JCAD: variants seen among roughly 807,000 people sequenced by gnomAD.
JCAD encodes junctional cadherin 5-associated protein.
JCAD carries 40 observed loss-of-function variants against 98.0 expected under a neutral mutation model. The observed-to-expected ratio is 0.41, with a 90% CI of 0.32 to 0.53. The LOEUF is 0.53. Among genes scored for constraint, JCAD ranks in the 20% least tolerant of loss-of-function variants. JCAD has a pLI of 0.31. For missense variants in JCAD, 1,705 were observed against 1,738.1 expected (o/e 0.98, Z 0.34); for synonymous variants, 691 against 682.3 (o/e 1.01, Z -0.20).
rs1433556211 is a variant in JCAD, at chr10:30,029,349, G to A, written c.799C>T (p.Pro267Ser). The A allele has an allele frequency of 1.2e-6, 2 of 1,613,988 alleles. No individual in the cohort carries two copies. The highest frequency in any genetic ancestry group is 4.5e-5 in the East Asian group (2 of 44,884). Reference protein sequence around the residue: ...KMPPYPPTCAPNLDSTRNSEK... With the variant: ...KMPPYPPTCASNLDSTRNSEK... ...GAATTCCTCGTGGAGTCCAAATTTG[G>A]TGCGCAAGTGGGAGGATACGGTGGC... is the stretch of plus-strand genomic sequence containing the variant. The change falls in exon 3 of 4, where the codon CCA (proline) becomes TCA (serine). Residue 267 changes from proline to serine, a missense_variant. Pro to Ser is a moderately conservative substitution (Grantham distance 74, BLOSUM62 -1). Transcript: ENST00000375377.
At chr10:30,053,559 C>A (rs1362428020) in intron 1 of JCAD, among the ~76,000 whole-genome samples, 588 of 126,722 alleles carry the variant, frequency 4.6e-3, no homozygotes, top group Middle Eastern at 7.7e-3. Context: ...TACTCTGTCT[C>A]AAAAAAAAAA....
At position 30,026,736 on chromosome 10, in the gene JCAD, G is replaced by A. The variant is rs1470259810; in HGVS notation, c.3412C>T (p.Pro1138Ser). 1 of 1,614,146 alleles carries A rather than the reference G, an allele frequency of 6.2e-7. No homozygotes were observed. Among genetic ancestry groups the A allele is most frequent in the Non-Finnish European group, 8.5e-7 (1 of 1,180,034 alleles). ...TAAAAGGCATCAGTGGACACCCTGG[G>A]GACATCTGCCGGTGCTGGGCGAGAT... ...LLSRPAPADV[P>S]RVSTDAFYGR... Residue 1138 changes from proline to serine, a missense_variant, in exon 3 of 4, where the codon CCC becomes TCC. Pro to Ser is a moderately conservative substitution (Grantham distance 74). Transcript: ENST00000375377.
At chr10:30,081,455 A>G (rs1838083227) in intron 1 of JCAD, among the ~76,000 whole-genome samples, 1 of 151,966 alleles carries the variant, frequency 6.6e-6, no homozygotes, top group African/African-American at 2.4e-5. Flanking sequence ...TATTTTTGAG[A>G]TAGTCTTGCT....
chr10:30,076,322 C>T (rs1837979690), intron 1 of JCAD, among the ~76,000 whole-genome samples: 2 of 152,138 alleles, frequency 1.3e-5, no homozygotes, highest in Non-Finnish European at 2.9e-5. Context: ...CCACCGTGCC[C>T]AGCCAACAGG....
upstream of JCAD, among the ~76,000 whole-genome samples, chr10:30,062,954 A>C (rs981635445): frequency 6.6e-6 from 1 of 152,176 alleles, no homozygotes; most frequent in Non-Finnish European, 1.5e-5. Context: ...GTAGGAAGAT[A>C]ATAAAGATAA....
intron 1 of JCAD, among the ~76,000 whole-genome samples, chr10:30,051,319 C>T (rs902661544): frequency 5.5e-5 from 8 of 145,578 alleles, no homozygotes; most frequent in African/African-American, 1.8e-4. Flanking sequence ...AGAGTTGATG[C>T]CTCACTTGGC....
intron 1 of JCAD, among the ~76,000 whole-genome samples, chr10:30,077,171 T>C (rs934630313): frequency 9.9e-5 from 15 of 152,174 alleles, no homozygotes; most frequent in South Asian, 2.1e-4. Context: ...CAAGGTAATA[T>C]ATTTACAAAT....
At chr10:30,071,563 G>A (rs1465899379) in intron 1 of JCAD, among the ~76,000 whole-genome samples, 2 of 152,154 alleles carry the variant, frequency 1.3e-5, no homozygotes, top group African/African-American at 2.4e-5. Context: ...CCAGCACTTT[G>A]GGAGGCCGAG....
intron 1 of JCAD, among the ~76,000 whole-genome samples, chr10:30,093,875 T>C (rs1007566436): frequency 1.3e-5 from 2 of 152,238 alleles, no homozygotes; most frequent in South Asian, 4.1e-4. Context: ...GCCAAACTTC[T>C]TGCTTGTATA....
At chr10:30,024,388 T>C (rs545799155) in intron 3 of JCAD, among the ~76,000 whole-genome samples, 1 of 152,170 alleles carries the variant, frequency 6.6e-6, no homozygotes, top group Non-Finnish European at 1.5e-5. Flanking sequence ...TAAAGTCTAG[T>C]GGGCATATTT....
At chr10:30,043,613 G>T (rs573266448) in intron 2 of JCAD, among the ~76,000 whole-genome samples, 97 of 152,358 alleles carry the variant, frequency 6.4e-4, no homozygotes, top group Middle Eastern at 3.4e-3. Flanking sequence ...ACACAGCTGG[G>T]CTCTGAGAGC....
At chr10:30,077,846 C>T (rs1479235610) in intron 1 of JCAD, among the ~76,000 whole-genome samples, 3 of 152,176 alleles carry the variant, frequency 2.0e-5, no homozygotes, top group African/African-American at 7.2e-5. Flanking sequence ...CACCTTTGGC[C>T]GTTGTGAATA....
Position 30,029,465 on chromosome 10 carries a change from T to A in JCAD, c.683A>T (p.Lys228Met). 1 of 1,614,184 alleles carries A rather than the reference T, an allele frequency of 6.2e-7. No individual in the cohort carries two copies. The highest frequency in any genetic ancestry group is 8.5e-7 in the Non-Finnish European group (1 of 1,180,028). ...EHVLNSQNKGKSRSLPRVLSP... is the reference protein window; with the variant it reads ...EHVLNSQNKGMSRSLPRVLSP... ...AAGAACTCTAGGCAGTGAGCGAGAC[T>A]TCCCTTTGTTTTGAGAATTCAACAC... The change falls in exon 3 of 4, where the codon AAG becomes ATG. Residue 228 changes from lysine (K) to methionine (M), a missense_variant. Lys to Met is a moderately conservative substitution (Grantham distance 95). Coordinates refer to ENST00000375377, the MANE Select transcript of JCAD (RefSeq NM_020848.4).
At chr10:30,070,455 T>A (rs1163642047) in intron 1 of JCAD, among the ~76,000 whole-genome samples, 1 of 152,208 alleles carries the variant, frequency 6.6e-6, no homozygotes, top group Non-Finnish European at 1.5e-5. Context: ...TGTAAAAGAA[T>A]GAATTGAGCA....
chr10:30,027,232 T>C lies in JCAD; in HGVS notation c.2916A>G (p.Pro972=). ...SNGMDELAGS[P]FPVTRMSSRS... Reference sequence around the variant, plus strand: ...TTGAAGACATTCTCGTCACAGGAAATGGGCTACCTGCCAGCTCGTCCATTC... The same window carrying C: ...TTGAAGACATTCTCGTCACAGGAAACGGGCTACCTGCCAGCTCGTCCATTC... The change falls in exon 3 of 4, where the codon CCA becomes CCG. Residue 972 remains proline, a synonymous_variant. Transcript: ENST00000375377. 1 of 1,614,192 alleles carries C rather than the reference T, an allele frequency of 6.2e-7. No homozygotes were observed. Among genetic ancestry groups the C allele is most frequent in the Non-Finnish European group, 8.5e-7 (1 of 1,180,030 alleles).
intron 2 of JCAD, among the ~76,000 whole-genome samples, chr10:30,036,601 C>T (rs566350389): frequency 5.3e-5 from 8 of 152,310 alleles, no homozygotes; most frequent in South Asian, 4.2e-4. Flanking sequence ...GGCCTGATAC[C>T]CAGGAGCACG....
chr10:30,021,410 G>T (rs193110432), intron 3 of JCAD, among the ~76,000 whole-genome samples: 39 of 152,184 alleles, frequency 2.6e-4, no homozygotes, highest in African/African-American at 9.2e-4. Context: ...ATGTTGCCCA[G>T]GCTGGTTTTG....
rs1836553328 is a variant in JCAD, at chr10:30,017,251, T to C, written c.*632A>G. 2 of 152,496 alleles carry C rather than the reference T, an allele frequency of 1.3e-5. No homozygotes were observed. Among genetic ancestry groups the C allele is most frequent in the Non-Finnish European group, 2.9e-5 (2 of 68,264 alleles). The allele number at this position is 152,496 out of a possible 1,614,324, so 9.4% of individuals were successfully genotyped here. A position where few individuals can be genotyped will look rare whatever the true frequency, so the allele number is the denominator to read the frequency against. On this transcript the variant is annotated 3_prime_UTR_variant, in exon 4 of 4. Transcript: ENST00000375377. ...TTCACTGCCAGATAAATAATACTCT[T>C]AGTATATTACAGTACAAGTTTTAAT...
intron 1 of JCAD, among the ~76,000 whole-genome samples, chr10:30,110,439 A>T (rs918488550): frequency 6.6e-6 from 1 of 151,740 alleles, no homozygotes; most frequent in Admixed American, 6.6e-5. Flanking sequence ...CTGTTGGTGT[A>T]TGGACCCCTG....
Sources: allele counts gnomAD v4.1 joint callset (sites outside exome capture counted in the v4.1 genomes callset), GRCh38; gene constraint gnomAD v4.1.1; transcripts MANE v1.5; gene names NCBI Gene and HGNC (gene_info 2026-07-23, HGNC 2026-07-21).